UBR1: variants seen among roughly 807,000 people sequenced by gnomAD.
The protein encoded by UBR1 is ubiquitin protein ligase E3 component n-recognin 1, also known as E3 ubiquitin-protein ligase UBR1.
In UBR1, 102 loss-of-function variants were observed where a neutral mutation model predicts 242.1. The observed-to-expected ratio is 0.42, with a 90% CI of 0.36 to 0.50. The LOEUF (loss-of-function observed/expected upper bound fraction) is 0.50. Among genes scored for constraint, UBR1 ranks in the 20% least tolerant of loss-of-function variants. The pLI, the probability that UBR1 is intolerant of heterozygous loss-of-function variation, is 0.01. For synonymous variants in UBR1, 675 were observed against 684.8 expected, an observed-to-expected ratio of 0.99 and a Z score of 0.22; for missense variants, 1,772 against 2,101.8, an observed-to-expected ratio of 0.84 and a Z score of 3.07.
intron 12 of UBR1, among the ~76,000 whole-genome samples, chr15:43,049,542 G>A (rs938561415): frequency 1.3e-5 from 2 of 152,154 alleles, no homozygotes; most frequent in South Asian, 2.1e-4. Flanking sequence ...CAGCCTGGGT[G>A]ACAGCATGAC....
At chr15:43,019,785 T>C (rs1455441134) in intron 27 of UBR1, among the ~76,000 whole-genome samples, 2 of 151,094 alleles carry the variant, frequency 1.3e-5, no homozygotes, top group African/African-American at 4.9e-5. Context: ...TTTGTATTTT[T>C]AGTAGAGACA....
At chr15:43,005,185 C>A (rs1399233979) in intron 30 of UBR1, among the ~76,000 whole-genome samples, 5 of 152,120 alleles carry the variant, frequency 3.3e-5, no homozygotes, top group African/African-American at 1.2e-4. Context: ...CGCCCAGCAG[C>A]CGCCCCATCT....
chr15:43,074,073 C>T (rs1430591779), intron 4 of UBR1, among the ~76,000 whole-genome samples: 2 of 152,170 alleles, frequency 1.3e-5, no homozygotes, highest in African/African-American at 2.4e-5. Flanking sequence ...ATGTAACTGA[C>T]CAAGTTTTCT....
chr15:43,046,869 C>A (rs2033492991), intron 14 of UBR1, among the ~76,000 whole-genome samples: 1 of 152,072 alleles, frequency 6.6e-6, no homozygotes, highest in Non-Finnish European at 1.5e-5. Flanking sequence ...CTATGGTCCT[C>A]ATTATATTAT....
At chr15:42,956,498 T>A (rs1044539591) in intron 44 of UBR1, among the ~76,000 whole-genome samples, 24 of 152,208 alleles carry the variant, frequency 1.6e-4, no homozygotes, top group African/African-American at 5.8e-4. Flanking sequence ...TTTTGTATTT[T>A]TAGCAGAGGC....
At chr15:43,091,946 TGC>T (rs2034110486) in intron 1 of UBR1, 1 of 382,998 alleles carries the variant, frequency 2.6e-6, no homozygotes, top group Non-Finnish European at 5.0e-6. Flanking sequence ...ATTAGCCAGA[TGC>T]GGTGGCACAT....
chr15:42,976,357 A>G (rs1228122934), intron 39 of UBR1, among the ~76,000 whole-genome samples: 1 of 152,202 alleles, frequency 6.6e-6, no homozygotes, highest in Non-Finnish European at 1.5e-5. Context: ...AAGTACTATC[A>G]TTCTAGCTGA....
chr15:43,071,171 T>C (rs1262160985), intron 4 of UBR1, among the ~76,000 whole-genome samples: 1 of 152,206 alleles, frequency 6.6e-6, no homozygotes, highest in Non-Finnish European at 1.5e-5. Flanking sequence ...ATTAGTGATA[T>C]ACTCTCTTAT....
chr15:43,066,228 T>C (rs942151751), intron 6 of UBR1, among the ~76,000 whole-genome samples: 7 of 152,260 alleles, frequency 4.6e-5, no homozygotes, highest in Non-Finnish European at 1.0e-4. Flanking sequence ...TAGGGAATCC[T>C]TTCCCCATTG....
At chr15:43,032,489 G>A (rs1341133142) in intron 20 of UBR1, 79 bp downstream of exon 20, 7 of 975,352 alleles carry the variant, frequency 7.2e-6, no homozygotes, top group Non-Finnish European at 1.1e-5. Context: ...GGAGTAAAAT[G>A]ATCAATTATA....
intron 43 of UBR1, among the ~76,000 whole-genome samples, chr15:42,958,521 A>C (rs1228246666): frequency 2.0e-5 from 3 of 152,204 alleles, no homozygotes; most frequent in African/African-American, 7.2e-5. Flanking sequence ...CCATCAAATC[A>C]GGTTCTGGGG....
chr15:43,004,057 CAAA>C lies in UBR1; in HGVS notation c.3416-130_3416-128del. 6.2e-6 allele frequency: 5 copies of C among 803,496 alleles called. 1 individual carries two copies. The South Asian group carries it at 7.2e-5, about 12-fold the overall frequency. The allele number at this position is 803,496 out of a possible 1,614,324, so 49.8% of individuals were successfully genotyped here. On this transcript the variant is annotated intron_variant, in intron 30 of 46. Transcript: ENST00000290650. ...ATCATGATAGGAGGATATATAGTAACAAAAAGAGAAAAGTAATAGTAACAAAAG... is the reference window on the plus strand; with the variant it reads ...ATCATGATAGGAGGATATATAGTAACAAGAGAAAAGTAATAGTAACAAAAG...
At chr15:43,086,607 G>A (rs1259566812) in intron 1 of UBR1, among the ~76,000 whole-genome samples, 3 of 151,978 alleles carry the variant, frequency 2.0e-5, no homozygotes, top group South Asian at 4.2e-4. Flanking sequence ...ACAAGAGATC[G>A]AAATGAACAT....
chr15:43,040,162 C>A (rs1377681410), intron 15 of UBR1, among the ~76,000 whole-genome samples: 2 of 152,106 alleles, frequency 1.3e-5, no homozygotes, highest in Non-Finnish European at 2.9e-5. Context: ...GCCAAAAGAA[C>A]AAAGCTGGAG....
At chr15:43,078,988 T>C (rs2033941370) in intron 3 of UBR1, among the ~76,000 whole-genome samples, 1 of 151,660 alleles carries the variant, frequency 6.6e-6, no homozygotes, top group Non-Finnish European at 1.5e-5. Context: ...GTATCCAAAA[T>C]ATAGACTCAA....
intron 20 of UBR1, among the ~76,000 whole-genome samples, chr15:43,031,235 T>A (rs1338535914): frequency 1.3e-5 from 2 of 151,574 alleles, no homozygotes; most frequent in African/African-American, 4.9e-5. Flanking sequence ...GCAGAGCAAG[T>A]ATTAACTAAA....
intron 30 of UBR1, among the ~76,000 whole-genome samples, chr15:43,004,990 G>A (rs958762142): frequency 8.8e-5 from 13 of 148,338 alleles, no homozygotes; most frequent in East Asian, 4.0e-4. Flanking sequence ...CTGCCACGCC[G>A]CCCCATCTGG....
intron 4 of UBR1, among the ~76,000 whole-genome samples, chr15:43,072,904 T>C (rs1239269981): frequency 1.3e-5 from 2 of 152,138 alleles, no homozygotes; most frequent in Non-Finnish European, 2.9e-5. Flanking sequence ...GGCTCACACC[T>C]GTAATCCCAG....
At chr15:42,993,506 T>A (rs368393766) in intron 33 of UBR1, among the ~76,000 whole-genome samples, 30 of 152,056 alleles carry the variant, frequency 2.0e-4, no homozygotes, top group East Asian at 1.5e-3. Flanking sequence ...TAGCTGGGAT[T>A]ACAGGCGCGG....
Sources: allele counts gnomAD v4.1 joint callset (sites outside exome capture counted in the v4.1 genomes callset), GRCh38; gene constraint gnomAD v4.1.1; transcripts MANE v1.5; gene names NCBI Gene and HGNC (gene_info 2026-07-23, HGNC 2026-07-21).